Variants in NREP observed in about 807,000 individuals in gnomAD.
The protein encoded by NREP is neuronal regeneration related protein, also known as neuronal regeneration-related protein.
In NREP, 5 loss-of-function variants were observed where a neutral mutation model predicts 8.6. That is an observed-to-expected ratio of 0.58 (90% CI 0.30 to 1.22). The LOEUF (loss-of-function observed/expected upper bound fraction) is 1.22. NREP is among the 50% of genes most tolerant of loss of function. The pLI is 0.07. For synonymous variants in NREP, 27 were observed against 28.0 expected (o/e 0.96, Z 0.11); for missense variants, 86 against 82.5 (o/e 1.04, Z -0.17).
At chr5:111,849,311 G>A (rs111264084) in intron 2 of NREP, among the ~76,000 whole-genome samples, 2,076 of 152,168 alleles carry the variant, frequency 0.014, 45 homozygotes, top group African/African-American at 0.047. Flanking sequence ...GAAAAAACAC[G>A]GTGTTCCAGT....
At chr5:111,909,375 T>C (rs1248075288) in intron 2 of NREP, among the ~76,000 whole-genome samples, 3 of 152,208 alleles carry the variant, frequency 2.0e-5, no homozygotes, top group South Asian at 4.1e-4. Context: ...ATGAGTTAGG[T>C]TGCATATTTG....
At chr5:111,751,802 T>C (rs1750376962) in intron 2 of NREP, among the ~76,000 whole-genome samples, 1 of 152,148 alleles carries the variant, frequency 6.6e-6, no homozygotes, top group African/African-American at 2.4e-5. Context: ...CAAAATCAAT[T>C]TTTTGAGCAT....
chr5:111,923,384 G>C (rs1219363129), intron 2 of NREP, among the ~76,000 whole-genome samples: 1 of 152,168 alleles, frequency 6.6e-6, no homozygotes, highest in Non-Finnish European at 1.5e-5. Context: ...TGGCTGCATA[G>C]GTTTCTATTA....
intron 2 of NREP, among the ~76,000 whole-genome samples, chr5:111,954,402 G>A (rs1494586): frequency 0.1 from 15,236 of 152,104 alleles, 1,191 homozygotes; most frequent in African/African-American, 0.21. Flanking sequence ...TCTTGGTTTG[G>A]CAGAGGTTGT....
chr5:111,842,583 G>C (rs577507312), intron 2 of NREP, among the ~76,000 whole-genome samples: 6 of 151,676 alleles, frequency 4.0e-5, no homozygotes, highest in Non-Finnish European at 8.8e-5. Flanking sequence ...TACCATTTTT[G>C]CCTTTTAATT....
In NREP at chr5:111,745,702, G is replaced by C. The variant is rs575350701; in HGVS notation, c.3+10068C>G. 3.9e-5 allele frequency among the ~76,000 whole-genome samples: 6 copies of C among 152,226 alleles called. No individual in the cohort carries two copies. The South Asian group carries it at 1.2e-3, about 32-fold the overall frequency. ...CTTAGTTAAAAAATATTTTATCAAT[G>C]ATCTGCAGACACACAAACCATATAC... On this transcript the variant is annotated intron_variant, in intron 2 of 3. Transcript: ENST00000257435.
intron 2 of NREP, among the ~76,000 whole-genome samples, chr5:111,939,480 T>G (rs1262450483): frequency 6.6e-6 from 1 of 152,044 alleles, no homozygotes; most frequent in East Asian, 1.9e-4. Context: ...GGAAGTTGCC[T>G]ACTCACTTAA....
At chr5:111,902,642 G>A (rs115490367) in intron 2 of NREP, among the ~76,000 whole-genome samples, 2 of 152,102 alleles carry the variant, frequency 1.3e-5, no homozygotes, top group African/African-American at 4.8e-5. Context: ...CTTTCTGGAG[G>A]AGCAGTGAAC....
chr5:111,898,363 C>T (rs139404440), intron 2 of NREP, among the ~76,000 whole-genome samples: 6 of 152,206 alleles, frequency 3.9e-5, no homozygotes, highest in African/African-American at 1.2e-4. Context: ...GATTTTCTTA[C>T]GTATTGGCTG....
In NREP at chr5:111,781,237, C is replaced by T. The variant is rs114215966; in HGVS notation, c.136-45730G>A. The stretch of plus-strand genomic sequence containing the variant: ...CCAATAGAATGGGGTATAAGTGAGG[C>T]TGCATGGTTTCTGAGGCTCGGTCAA... On this transcript the variant is annotated intron_variant, in intron 2 of 3. Transcript: ENST00000395634. Among the ~76,000 whole-genome samples the T allele has an allele frequency of 2.9e-3, 444 of 152,226 alleles. 1 individual carries two copies. Among genetic ancestry groups the T allele is most frequent in the African/African-American group, 9.7e-3 (402 of 41,552 alleles).
intron 3 of NREP, 97 bp from the exon 4 acceptor site, chr5:111,731,143 C>A: frequency 7.3e-7 from 1 of 1,372,682 alleles, no homozygotes; most frequent in South Asian, 1.3e-5. Flanking sequence ...CTTTTCCTGC[C>A]CAGCCCACAT....
intron 2 of NREP, among the ~76,000 whole-genome samples, chr5:111,856,422 A>T (rs1339307734): frequency 6.6e-6 from 1 of 152,146 alleles, no homozygotes; most frequent in Non-Finnish European, 1.5e-5. Flanking sequence ...TCATATTCTT[A>T]TATTAAAGCT....
At chr5:111,956,519 T>C (rs1446314974) in intron 2 of NREP, among the ~76,000 whole-genome samples, 1 of 151,730 alleles carries the variant, frequency 6.6e-6, no homozygotes, top group Non-Finnish European at 1.5e-5. Context: ...TTTTTTTAAA[T>C]CAAGTGACAT....
At chr5:111,842,574 A>G (rs1446613502) in intron 2 of NREP, among the ~76,000 whole-genome samples, 1 of 152,100 alleles carries the variant, frequency 6.6e-6, no homozygotes, top group Non-Finnish European at 1.5e-5. Flanking sequence ...TGTTATTTTT[A>G]CCATTTTTGC....
At chr5:111,737,990 A>C (rs1366112587) in intron 2 of NREP, among the ~76,000 whole-genome samples, 2 of 152,176 alleles carry the variant, frequency 1.3e-5, no homozygotes, top group Non-Finnish European at 2.9e-5. Flanking sequence ...AATCTCCTTC[A>C]AAGTCAGAAC....
intron 2 of NREP, among the ~76,000 whole-genome samples, chr5:111,906,951 T>C (rs1385178595): frequency 1.3e-5 from 2 of 152,098 alleles, no homozygotes; most frequent in African/African-American, 2.4e-5. Flanking sequence ...TAATTTCTTA[T>C]AGAGACAGAG....
At chr5:111,806,650 C>G (rs1446992287) in intron 2 of NREP, among the ~76,000 whole-genome samples, 1 of 152,156 alleles carries the variant, frequency 6.6e-6, no homozygotes, top group Non-Finnish European at 1.5e-5. Context: ...TATTAAGCAT[C>G]GAATTCAGTC....
In NREP at chr5:111,729,540, C is replaced by G. The variant is rs918433412; in HGVS notation, c.*1381G>C. On this transcript the variant is annotated 3_prime_UTR_variant, in exon 4 of 4. Transcript: ENST00000257435. Reference sequence around the variant, plus strand: ...AGGGAGAGGAGTAATGCACAAGAAACTCAGGCCAATGGGGGAGCAAGAAGA... The same window carrying G: ...AGGGAGAGGAGTAATGCACAAGAAAGTCAGGCCAATGGGGGAGCAAGAAGA... The G allele has an allele frequency of 2.0e-5, 3 of 152,672 alleles. No individual in the cohort carries two copies. Among genetic ancestry groups the G allele is most frequent in the African/African-American group, 7.2e-5 (3 of 41,448 alleles). The allele number at this position is 152,672 out of a possible 1,614,324, so 9.5% of individuals were successfully genotyped here.
intron 2 of NREP, among the ~76,000 whole-genome samples, chr5:111,875,284 C>A (rs979223111): frequency 6.6e-6 from 1 of 151,782 alleles, no homozygotes; most frequent in Non-Finnish European, 1.5e-5. Flanking sequence ...TAATAATAGG[C>A]CTCTGAGGCA....
Sources: gnomAD v4.1 joint callset for allele counts (sites outside exome capture counted in the v4.1 genomes callset) on GRCh38, gnomAD v4.1.1 for gene constraint, MANE v1.5 for transcripts, NCBI Gene and HGNC (gene_info 2026-07-23, HGNC 2026-07-21) for gene names.